Variants in MTO1 observed in about 807,000 individuals in gnomAD.
The protein encoded by MTO1 is mitochondrial tRNA translation optimization 1.
MTO1 carries 46 observed loss-of-function variants against 71.6 expected under a neutral mutation model. The observed-to-expected ratio is 0.64, with a 90% CI of 0.51 to 0.82. The LOEUF (loss-of-function observed/expected upper bound fraction) is 0.82, where lower values mean the gene tolerates loss of function less well. Among genes scored for constraint, MTO1 ranks in the 40% least tolerant of loss-of-function variants. The pLI is 0.00. For synonymous variants in MTO1, 297 were observed against 312.1 expected (o/e 0.95, Z 0.51); for missense variants, 773 against 867.5 (o/e 0.89, Z 1.37).
intron 4 of MTO1, among the ~76,000 whole-genome samples, chr6:73,474,749 C>T (rs529413011): frequency 3.3e-5 from 5 of 149,606 alleles, no homozygotes; most frequent in African/African-American, 7.3e-5. Flanking sequence ...CCACTGCACC[C>T]GACTTTTTTT....
Position 73,481,710 on chromosome 6 carries a change from G to A in MTO1, c.1261-330G>A, listed in dbSNP as rs148637663. ...TTAAACTCAGGAAGTCGAGGCTGCAGTGAGCCAAGATTATGCCATTACACC... is the reference window on the plus strand; with the variant it reads ...TTAAACTCAGGAAGTCGAGGCTGCAATGAGCCAAGATTATGCCATTACACC... On this transcript the variant is annotated intron_variant, in intron 7 of 11. Coordinates refer to ENST00000498286, the MANE Select transcript of MTO1 (RefSeq NM_012123.4). Among the ~76,000 whole-genome samples the A allele has an allele frequency of 1.8e-3, 281 of 152,238 alleles. 1 individual carries two copies. Among genetic ancestry groups the A allele is most frequent in the Non-Finnish European group, 2.8e-3 (192 of 68,024 alleles).
intron 4 of MTO1, 42 bp from the exon 5 acceptor site, chr6:73,479,690 T>G (rs2150035609): frequency 6.8e-7 from 1 of 1,472,658 alleles, no homozygotes; most frequent in Non-Finnish European, 9.4e-7. Flanking sequence ...GAGAAACTAG[T>G]AGATAAGCAA....
At position 73,507,052 on chromosome 6, in the gene MTO1, G is replaced by A. The variant is rs1772310048; in HGVS notation, c.*6317G>A. On this transcript the variant is annotated 3_prime_UTR_variant, in exon 12 of 12. Coordinates refer to ENST00000498286, the MANE Select transcript of MTO1 (RefSeq NM_012123.4). Reference sequence around the variant, plus strand: ...TCTTTCCATATTTTAGTATCTCTAAGTTGGAGTATGTCTTACAATTAATGG... The same window carrying A: ...TCTTTCCATATTTTAGTATCTCTAAATTGGAGTATGTCTTACAATTAATGG... 1 of 151,272 alleles carries A rather than the reference G, an allele frequency of 6.6e-6. No individual in the cohort carries two copies. The highest frequency in any genetic ancestry group is 2.1e-4 in the South Asian group (1 of 4,788). The allele number at this position is 151,272 out of a possible 1,614,324, so 9.4% of individuals were successfully genotyped here.
intron 10 of MTO1, among the ~76,000 whole-genome samples, chr6:73,497,199 C>G (rs1772009782): frequency 8.8e-6 from 1 of 113,316 alleles, no homozygotes; most frequent in Non-Finnish European, 1.7e-5. Flanking sequence ...GTCGCCCAGG[C>G]TGGAGTGCAA....
chr6:73,470,734 A>T (rs1055934361), intron 3 of MTO1, among the ~76,000 whole-genome samples: 1 of 152,078 alleles, frequency 6.6e-6, no homozygotes, highest in Non-Finnish European at 1.5e-5. Context: ...CAGGTGGATC[A>T]CCTGAGGTCG....
rs1318456769 is a variant in MTO1 at position 73,479,926 on chromosome 6, T to C, written c.939-10T>C. 6.2e-7 allele frequency: 1 copy of C among 1,609,232 alleles called. No individual in the cohort carries two copies. Among genetic ancestry groups the C allele is most frequent in the African/African-American group, 1.3e-5 (1 of 74,658 alleles). ...GTTCATTTCAAGTTTATTTAAATGT[T>C]CTATTCTAGATACTGTCCCTCCATT... On this transcript the variant is annotated splice_polypyrimidine_tract_variant and intron_variant, in intron 5 of 11. Transcript: ENST00000498286.
chr6:73,475,459 G>A (rs1187942658), intron 4 of MTO1, among the ~76,000 whole-genome samples: 1 of 149,538 alleles, frequency 6.7e-6, no homozygotes, highest in East Asian at 2.0e-4. Context: ...ATTTGTTTTT[G>A]CATTTTTAGT....
intron 9 of MTO1, chr6:73,491,952 A>G (rs1017590925): frequency 4.0e-6 from 1 of 249,226 alleles, no homozygotes; most frequent in Non-Finnish European, 8.0e-6. Context: ...AATACAAAAA[A>G]ATAGCCGGGC....
At chr6:73,478,014 G>C (rs1015887848) in intron 4 of MTO1, among the ~76,000 whole-genome samples, 1 of 152,018 alleles carries the variant, frequency 6.6e-6, no homozygotes, top group East Asian at 1.9e-4. Flanking sequence ...ACTTTGGGAG[G>C]CCAAGGCAGG....
intron 1 of MTO1, among the ~76,000 whole-genome samples, chr6:73,464,853 A>AC (rs981197728): frequency 6.7e-6 from 1 of 150,156 alleles, no homozygotes; most frequent in African/African-American, 2.4e-5. Context: ...AAAAAAAAAA[A>AC]AAAAAAAACT....
chr6:73,468,038 C>T (rs1290225017), intron 3 of MTO1, among the ~76,000 whole-genome samples: 1 of 151,806 alleles, frequency 6.6e-6, no homozygotes, highest in Non-Finnish European at 1.5e-5. Flanking sequence ...CCAGGATGGT[C>T]TTGTTCTCCT....
At chr6:73,478,262 T>C (rs1582682855) in intron 4 of MTO1, among the ~76,000 whole-genome samples, 1 of 146,104 alleles carries the variant, frequency 6.8e-6, no homozygotes, top group Non-Finnish European at 1.5e-5. Context: ...AAAAAAAAAG[T>C]ATATTGTATG....
chr6:73,478,682 G>A (rs1359836246), intron 4 of MTO1, among the ~76,000 whole-genome samples: 1 of 152,012 alleles, frequency 6.6e-6, no homozygotes, highest in African/African-American at 2.4e-5. Flanking sequence ...GGGATTACAG[G>A]CACCTGCCAC....
chr6:73,473,069 C>T (rs974017202), intron 3 of MTO1, among the ~76,000 whole-genome samples: 2 of 152,116 alleles, frequency 1.3e-5, no homozygotes, highest in Non-Finnish European at 2.9e-5. Context: ...CACCTGAGGT[C>T]GGGAATTCGA....
chr6:73,467,206 C>G (rs914888191), intron 3 of MTO1, among the ~76,000 whole-genome samples: 10 of 151,756 alleles, frequency 6.6e-5, no homozygotes, highest in African/African-American at 1.9e-4. Flanking sequence ...TTCAGCTACT[C>G]AATAAGCTGA....
At chr6:73,484,487 C>T (rs755526264) in intron 9 of MTO1, among the ~76,000 whole-genome samples, 3 of 152,078 alleles carry the variant, frequency 2.0e-5, no homozygotes, top group East Asian at 1.9e-4. Flanking sequence ...CACTTATAAG[C>T]GCCAGAACCC....
chr6:73,493,929 A>G (rs1771908834), intron 10 of MTO1, among the ~76,000 whole-genome samples: 1 of 151,830 alleles, frequency 6.6e-6, no homozygotes, highest in African/African-American at 2.4e-5. Context: ...CATAATGAAA[A>G]TTTTTATTAT....
intron 9 of MTO1, among the ~76,000 whole-genome samples, chr6:73,484,788 G>T (rs938586444): frequency 1.3e-5 from 2 of 152,072 alleles, no homozygotes; most frequent in African/African-American, 4.8e-5. Flanking sequence ...AGGCACAGTG[G>T]CTCATGCCTG....
At chr6:73,479,119 C>T (rs1771415758) in intron 4 of MTO1, among the ~76,000 whole-genome samples, 1 of 149,466 alleles carries the variant, frequency 6.7e-6, no homozygotes, top group Non-Finnish European at 1.5e-5. Flanking sequence ...AAACTTCTGA[C>T]CTCGTGCTCC....
Sources: allele counts gnomAD v4.1 joint callset (sites outside exome capture counted in the v4.1 genomes callset), GRCh38; gene constraint gnomAD v4.1.1; transcripts MANE v1.5; gene names NCBI Gene and HGNC (gene_info 2026-07-23, HGNC 2026-07-21).